METRNL: variants seen among roughly 807,000 people sequenced by gnomAD.
The protein encoded by METRNL is meteorin like, glial cell differentiation regulator.
Under a neutral mutation model 17.4 loss-of-function variants are expected in METRNL, and 9 were observed. The ratio of observed to expected loss-of-function variants is 0.52; its 90% confidence interval spans 0.31 to 0.90. The LOEUF is 0.90. METRNL is among the 40% of genes least tolerant of loss of function. The probability of loss-of-function intolerance (pLI) is 0.05; values close to 1 mark genes in which losing one functional copy is unlikely to be tolerated. For missense variants in METRNL, 408 were observed against 430.7 expected (o/e 0.95, Z 0.47); for synonymous variants, 215 against 199.3 (o/e 1.08, Z -0.66).
At chr17:83,088,226 C>G (rs2038075397) in intron 2 of METRNL, among the ~76,000 whole-genome samples, 1 of 152,238 alleles carries the variant, frequency 6.6e-6, no homozygotes, top group Non-Finnish European at 1.5e-5. Flanking sequence ...TGAGGAAACC[C>G]CGCAGGATGG....
chr17:83,084,662 G>C, intron 1 of METRNL: 1 of 519,918 alleles, frequency 1.9e-6, no homozygotes, highest in Non-Finnish European at 3.4e-6. Context: ...CTGGGGACAA[G>C]CACCGCCTGC....
Position 83,079,728 on chromosome 17 carries a change from C to T in METRNL, c.-88C>T, listed in dbSNP as rs1438932270. 1.8e-6 allele frequency: 1 copy of T among 555,150 alleles called. No individual in the cohort carries two copies. The highest frequency in any genetic ancestry group is 2.1e-5 in the African/African-American group (1 of 48,146). The allele number at this position is 555,150 out of a possible 1,614,324, so 34.4% of individuals were successfully genotyped here. A position where few individuals can be genotyped will look rare whatever the true frequency, so the allele number is the denominator to read the frequency against. On this transcript the variant is annotated 5_prime_UTR_variant, in exon 1 of 4. Coordinates refer to ENST00000320095, the MANE Select transcript of METRNL (RefSeq NM_001004431.3). The stretch of plus-strand genomic sequence containing the variant: ...CGACGTGACCACCCGGACTCGAAGC[C>T]CGCCCCGCCCCCGCCCGGCTCGCCG...
At chr17:83,093,734 G>C (rs1452692675) in intron 3 of METRNL, among the ~76,000 whole-genome samples, 1 of 152,158 alleles carries the variant, frequency 6.6e-6, no homozygotes, top group African/African-American at 2.4e-5. Flanking sequence ...CGCCCTGTGG[G>C]AAAGGTTTGG....
chr17:83,079,954 T>G lies in METRNL; in HGVS notation c.139T>G (p.Tyr47Asp). Residue 47 changes from tyrosine (Y) to aspartate (D), a missense_variant, in exon 1 of 4, where the codon TAC becomes GAC. By Grantham distance (160) the Tyr-to-Asp change is radical. Transcript: ENST00000320095. ...AGLLGGAGAQ[Y>D]SSDRCSWKGS... The stretch of plus-strand genomic sequence containing the variant: ...GCTGCTGGGCGGCGCGGGCGCGCAG[T>G]ACTCCAGCGACCGGTGCAGCTGGAA... The G allele has an allele frequency of 9.9e-7, 1 of 1,011,904 alleles. No individual in the cohort carries two copies. Among genetic ancestry groups the G allele is most frequent in the Non-Finnish European group, 1.2e-6 (1 of 849,156 alleles). The allele number at this position is 1,011,904 out of a possible 1,614,324, so 62.7% of individuals were successfully genotyped here.
rs1225856895 is a variant in METRNL, at chr17:83,094,452, C to T, written c.813C>T (p.Phe271=). ...GGCCGGGGCATGGCGACTTCCTCTT[C>T]ACTGGCCACATGCACTTCGGGGAGG... The part of the protein sequence containing the change: ...GVRPGHGDFL[F]TGHMHFGEAR... The change falls in exon 4 of 4, where the codon TTC becomes TTT. Residue 271 remains phenylalanine (F), a synonymous_variant. Transcript: ENST00000320095. The T allele has an allele frequency of 2.5e-6, 4 of 1,594,984 alleles. No homozygotes were observed. Among genetic ancestry groups the T allele is most frequent in the Non-Finnish European group, 3.4e-6 (4 of 1,166,238 alleles).
intron 2 of METRNL, among the ~76,000 whole-genome samples, chr17:83,088,713 C>T (rs148169240): frequency 1.1e-4 from 17 of 152,142 alleles, no homozygotes; most frequent in Middle Eastern, 3.4e-3. Flanking sequence ...ACGCCTCCCC[C>T]CTTTAAAATC....
chr17:83,093,362 G>A (rs765055108), intron 3 of METRNL, 136 bp downstream of exon 3: 46 of 695,922 alleles, frequency 6.6e-5, no homozygotes, highest in Non-Finnish European at 8.7e-5. Context: ...AGGGGCACAC[G>A]CTGTGGAAGC....
In METRNL at chr17:83,093,207, C is replaced by A. The variant is rs563148283; in HGVS notation, c.597C>A (p.Ala199=). The A allele has an allele frequency of 6.2e-7, 1 of 1,608,260 alleles. No homozygotes were observed. Among genetic ancestry groups the A allele is most frequent in the East Asian group, 2.2e-5 (1 of 44,884 alleles). The change falls in exon 3 of 4, where the codon GCC becomes GCA. Residue 199 remains alanine, a synonymous_variant. Transcript: ENST00000320095. ...RPCSDTEVLL[A]VCTSDFAVRG... ...GCAGTGACACCGAGGTGCTCCTAGCCGTCTGCACCAGCGACTTCGGTGAGT... is the reference window on the plus strand; with the variant it reads ...GCAGTGACACCGAGGTGCTCCTAGCAGTCTGCACCAGCGACTTCGGTGAGT...
intron 1 of METRNL, among the ~76,000 whole-genome samples, chr17:83,081,684 G>A (rs1251144579): frequency 6.6e-6 from 1 of 150,828 alleles, no homozygotes; most frequent in African/African-American, 2.5e-5. Flanking sequence ...ACACACAGGG[G>A]ACCCCCCCCA....
chr17:83,094,353 G>C lies in METRNL; in HGVS notation c.714G>C (p.Arg238Ser), dbSNP rs368499821. 1.8e-5 allele frequency: 29 copies of C among 1,610,558 alleles called. No homozygotes were observed. Among genetic ancestry groups the C allele is most frequent in the Non-Finnish European group, 2.3e-5 (27 of 1,178,428 alleles). Reference protein sequence around the residue: ...RVSRLYRQKSRVFEPVPEGDG... With the variant: ...RVSRLYRQKSSVFEPVPEGDG... Reference sequence around the variant, plus strand: ...GCAGACTCTATCGGCAGAAAAGCAGGGTCTTCGAGCCGGTGCCCGAGGGTG... The same window carrying C: ...GCAGACTCTATCGGCAGAAAAGCAGCGTCTTCGAGCCGGTGCCCGAGGGTG... Residue 238 changes from arginine (R) to serine (S), a missense_variant, in exon 4 of 4, where the codon AGG becomes AGC. Arg to Ser is a moderately radical substitution (Grantham distance 110). Coordinates refer to ENST00000320095, the MANE Select transcript of METRNL (RefSeq NM_001004431.3).
intron 2 of METRNL, among the ~76,000 whole-genome samples, chr17:83,092,099 T>C (rs894632472): frequency 2.0e-5 from 3 of 152,202 alleles, no homozygotes; most frequent in Non-Finnish European, 4.4e-5. Flanking sequence ...GCCTCCGTGC[T>C]TTCCGCATTC....
chr17:83,088,208 T>C (rs1021956112), intron 2 of METRNL, among the ~76,000 whole-genome samples: 1 of 152,220 alleles, frequency 6.6e-6, no homozygotes, highest in Non-Finnish European at 1.5e-5. Context: ...GACGCCTTCC[T>C]TGGATGCTGA....
chr17:83,086,149 C>T (rs62074706), intron 2 of METRNL, among the ~76,000 whole-genome samples: 3 of 152,196 alleles, frequency 2.0e-5, no homozygotes, highest in Admixed American at 2.0e-4. Flanking sequence ...CGTGTGACCT[C>T]CATGGTCTGT....
rs7501742 is a variant in METRNL at position 83,093,237 on chromosome 17, C to T, written c.616+11C>T. 5 of 1,603,462 alleles carry T rather than the reference C, an allele frequency of 3.1e-6. No individual in the cohort carries two copies. The South Asian group carries it at 5.5e-5, about 18-fold the overall frequency. ...GCACCAGCGACTTCGGTGAGTGTCT[C>T]CTCGGCAGCTTCTACCTCCTGTGCT... On this transcript the variant is annotated intron_variant, in intron 3 of 3. Coordinates refer to ENST00000320095, the MANE Select transcript of METRNL (RefSeq NM_001004431.3).
intron 2 of METRNL, among the ~76,000 whole-genome samples, chr17:83,088,200 C>T (rs892721021): frequency 1.3e-5 from 2 of 152,362 alleles, no homozygotes; most frequent in Middle Eastern, 3.4e-3. Context: ...GCGACACGGA[C>T]GCCTTCCTTG....
intron 1 of METRNL, 75 bp from the exon 2 acceptor site, chr17:83,084,863 A>G: frequency 2.6e-6 from 4 of 1,530,228 alleles, no homozygotes; most frequent in Non-Finnish European, 3.5e-6. Context: ...TATCGTCCTC[A>G]CTGACTCTCT....
At chr17:83,082,853 C>T (rs573535365) in intron 1 of METRNL, among the ~76,000 whole-genome samples, 1 of 152,322 alleles carries the variant, frequency 6.6e-6, no homozygotes, top group South Asian at 2.1e-4. Context: ...CTACACGGGT[C>T]TTGCGCATCA....
chr17:83,080,104 G>A (rs2037965264), intron 1 of METRNL, 119 bp downstream of exon 1: 1 of 459,420 alleles, frequency 2.2e-6, no homozygotes, highest in Non-Finnish European at 2.9e-6. Context: ...GGCTCCGGGG[G>A]CCGCTCTCCA....
At chr17:83,082,144 T>G (rs903204201) in intron 1 of METRNL, 1 of 985,300 alleles carries the variant, frequency 1.0e-6, no homozygotes, top group African/African-American at 1.7e-5. Flanking sequence ...TATCAGCCAG[T>G]GCTCATAAAT....
Sources: allele counts gnomAD v4.1 joint callset (sites outside exome capture counted in the v4.1 genomes callset), GRCh38; gene constraint gnomAD v4.1.1; transcripts MANE v1.5; gene names NCBI Gene and HGNC (gene_info 2026-07-23, HGNC 2026-07-21).